The following TMX4 variants were observed in gnomAD, a reference collection of about 807,000 sequenced individuals.
TMX4 encodes thioredoxin related transmembrane protein 4.
In TMX4, 23 loss-of-function variants were observed where a neutral mutation model predicts 33.3. That is an observed-to-expected ratio of 0.69 (90% confidence interval 0.50 to 0.98). The LOEUF is 0.98. TMX4 is among the 50% of genes least tolerant of loss of function. The pLI, the probability that TMX4 is intolerant of heterozygous loss-of-function variation, is 0.00. For synonymous variants in TMX4, 164 were observed against 161.5 expected, an observed-to-expected ratio of 1.02 and a Z score of -0.12; for missense variants, 399 against 448.9, an observed-to-expected ratio of 0.89 and a Z score of 1.01.
chr20:7,991,683 A>T (rs2050655578), intron 5 of TMX4, among the ~76,000 whole-genome samples: 6 of 152,272 alleles, frequency 3.9e-5, no homozygotes. Flanking sequence ...AAAGTATTCC[A>T]CGTTGGCTAT....
chr20:8,007,019 G>A (rs1247071155), intron 2 of TMX4, among the ~76,000 whole-genome samples: 2 of 152,056 alleles, frequency 1.3e-5, no homozygotes, highest in Non-Finnish European at 2.9e-5. Context: ...CGCTCGCCTC[G>A]GCCTCCCAGA....
intron 2 of TMX4, among the ~76,000 whole-genome samples, chr20:8,002,637 T>C (rs2050712504): frequency 6.6e-6 from 1 of 152,170 alleles, no homozygotes; most frequent in South Asian, 2.1e-4. Context: ...CAAAATCAAA[T>C]ATCCATTCAA....
At chr20:7,995,189 A>T (rs116812468) in intron 5 of TMX4, among the ~76,000 whole-genome samples, 1,635 of 152,282 alleles carry the variant, frequency 0.011, 19 homozygotes, top group Middle Eastern at 0.027. Context: ...CTCTTTGAAT[A>T]TTATGTTCCA....
chr20:7,983,912 G>A, intron 6 of TMX4, 55 bp from the exon 7 acceptor site: 1 of 1,420,138 alleles, frequency 7.0e-7, no homozygotes, highest in Non-Finnish European at 9.9e-7. Flanking sequence ...ATTACCAAAG[G>A]ACCTCAAAAT....
chr20:8,011,263 G>A lies in TMX4; in HGVS notation c.177-948C>T, dbSNP rs371326893. Among the ~76,000 whole-genome samples, 612 of 152,038 alleles carry A rather than the reference G, an allele frequency of 4.0e-3. 6 individuals carry two copies. Among genetic ancestry groups the A allele is most frequent in the African/African-American group, 0.013 (539 of 41,504 alleles). ...TGTATTAAGGGAGGAAAGGGGCCAG[G>A]GGAGAGAAAGAGAAGTAGAAAAGAA... On this transcript the variant is annotated intron_variant, in intron 1 of 7. Coordinates refer to ENST00000246024, the MANE Select transcript of TMX4 (RefSeq NM_021156.4).
Position 7,980,457 on chromosome 20 carries a change from A to G in TMX4, c.*1794T>C, listed in dbSNP as rs894054106. 1.6e-4 allele frequency: 24 copies of G among 152,268 alleles called. No individual in the cohort carries two copies. Among genetic ancestry groups the G allele is most frequent in the Admixed American group, 1.4e-3 (21 of 15,274 alleles). The allele number at this position is 152,268 out of a possible 1,614,324, so 9.4% of individuals were successfully genotyped here. On this transcript the variant is annotated 3_prime_UTR_variant, in exon 8 of 8. Coordinates refer to ENST00000246024, the MANE Select transcript of TMX4 (RefSeq NM_021156.4). Reference sequence around the variant, plus strand: ...ATGTCAGGGAGATGGAACTGCCACCATCAGAACCATGGCACTTTGGGTGAA... The same window carrying G: ...ATGTCAGGGAGATGGAACTGCCACCGTCAGAACCATGGCACTTTGGGTGAA...
In TMX4 at chr20:7,987,394, A is replaced by G. The variant is rs892873177; in HGVS notation, c.514-5T>C. ...TGTGAAATAGTTGTGAAGATGCTGGAATCAGAAGAAAAAAAATAAAACATT... is the reference window on the plus strand; with the variant it reads ...TGTGAAATAGTTGTGAAGATGCTGGGATCAGAAGAAAAAAAATAAAACATT... On this transcript the variant is annotated splice_polypyrimidine_tract_variant and splice_region_variant and intron_variant, in intron 5 of 7. Transcript: ENST00000246024. 6.4e-7 allele frequency: 1 copy of G among 1,561,528 alleles called. No homozygotes were observed. Among genetic ancestry groups the G allele is most frequent in the Non-Finnish European group, 8.6e-7 (1 of 1,161,636 alleles).
chr20:8,009,234 T>C (rs73895464), intron 2 of TMX4, among the ~76,000 whole-genome samples: 1,738 of 152,266 alleles, frequency 0.011, 27 homozygotes, highest in African/African-American at 0.038. Flanking sequence ...CAAACACAAA[T>C]TTATTGTATA....
At chr20:8,006,106 A>G (rs1310602745) in intron 2 of TMX4, among the ~76,000 whole-genome samples, 1 of 151,930 alleles carries the variant, frequency 6.6e-6, no homozygotes, top group African/African-American at 2.4e-5. Flanking sequence ...AGCTGTAAAC[A>G]TTCACCCCTT....
intron 1 of TMX4, among the ~76,000 whole-genome samples, chr20:8,012,180 C>A (rs1401291639): frequency 6.6e-6 from 1 of 152,102 alleles, no homozygotes; most frequent in Non-Finnish European, 1.5e-5. Flanking sequence ...TCTGCTATAA[C>A]AATCAGAAAG....
At chr20:8,016,713 A>T (rs2122886490) in intron 1 of TMX4, among the ~76,000 whole-genome samples, 1 of 152,340 alleles carries the variant, frequency 6.6e-6, no homozygotes, top group Non-Finnish European at 1.5e-5. Flanking sequence ...GTATAAAAGA[A>T]AAAATTCCCA....
At chr20:8,008,257 G>A (rs1236672571) in intron 2 of TMX4, among the ~76,000 whole-genome samples, 1 of 151,800 alleles carries the variant, frequency 6.6e-6, no homozygotes, top group Non-Finnish European at 1.5e-5. Flanking sequence ...AATAATTCTA[G>A]AGCCTCTGCC....
In TMX4 at chr20:8,012,045, C is replaced by G. The variant is rs146056097; in HGVS notation, c.177-1730G>C. 5.3e-5 allele frequency among the ~76,000 whole-genome samples: 8 copies of G among 152,168 alleles called. 1 individual carries two copies. The highest frequency in any genetic ancestry group is 1.9e-4 in the African/African-American group (8 of 41,532). The stretch of plus-strand genomic sequence containing the variant: ...TTCATCTGAGAAAATAAGTTATTTT[C>G]TATGTAGTTTCTAAATATCCAAGTT... On this transcript the variant is annotated intron_variant, in intron 1 of 7. Coordinates refer to ENST00000246024, the MANE Select transcript of TMX4 (RefSeq NM_021156.4).
At chr20:7,995,574 T>C (rs972617199) in intron 5 of TMX4, among the ~76,000 whole-genome samples, 1 of 152,136 alleles carries the variant, frequency 6.6e-6, no homozygotes, top group African/African-American at 2.4e-5. Flanking sequence ...AAAGCAGTCA[T>C]AGACAATAGG....
At chr20:7,985,245 ATG>A (rs375209258) in intron 6 of TMX4, among the ~76,000 whole-genome samples, 6,021 of 144,574 alleles carry the variant, frequency 0.042, 178 homozygotes, top group Middle Eastern at 0.089. Context: ...GTGTATATAT[ATG>A]TGTGTGTGTG....
At chr20:8,001,260 T>C (rs969782511) in intron 3 of TMX4, among the ~76,000 whole-genome samples, 10 of 152,174 alleles carry the variant, frequency 6.6e-5, no homozygotes, top group African/African-American at 2.4e-4. Flanking sequence ...CCACCTCTGA[T>C]ATCACCAGAG....
chr20:8,003,198 C>T (rs1303743155), intron 2 of TMX4, among the ~76,000 whole-genome samples: 1 of 152,180 alleles, frequency 6.6e-6, no homozygotes, highest in African/African-American at 2.4e-5. Context: ...CAGCTTCATA[C>T]ATTACTTCTT....
chr20:8,008,832 T>A (rs1219732506), intron 2 of TMX4, among the ~76,000 whole-genome samples: 1 of 152,192 alleles, frequency 6.6e-6, no homozygotes, highest in African/African-American at 2.4e-5. Context: ...CATGAACTAA[T>A]AGCTTTTATT....
intron 7 of TMX4, among the ~76,000 whole-genome samples, chr20:7,983,379 A>G (rs1482917614): frequency 2.0e-5 from 3 of 152,214 alleles, no homozygotes; most frequent in Non-Finnish European, 4.4e-5. Context: ...GAATAAAGAC[A>G]TGCAAATCCA....
Sources: allele counts gnomAD v4.1 joint callset (sites outside exome capture counted in the v4.1 genomes callset), GRCh38; gene constraint gnomAD v4.1.1; transcripts MANE v1.5; gene names NCBI Gene and HGNC (gene_info 2026-07-23, HGNC 2026-07-21).